RPS6KC1: variants seen among roughly 807,000 people sequenced by gnomAD.
RPS6KC1 encodes the protein ribosomal protein S6 kinase C1.
A neutral mutation model predicts 103.8 loss-of-function variants in RPS6KC1; 54 were observed. The observed-to-expected ratio is 0.52, with a 90% CI of 0.42 to 0.65. RPS6KC1 has a LOEUF of 0.65. Among genes scored for constraint, RPS6KC1 ranks in the 30% least tolerant of loss-of-function variants. RPS6KC1 has a pLI of 0.00. For missense variants in RPS6KC1, 1,151 were observed against 1,253.8 expected (o/e 0.92, Z 1.24); for synonymous variants, 439 against 438.7 (o/e 1.00, Z -0.01).
At chr1:213,363,975 A>AG in the RPS6KC1 span, among the ~76,000 whole-genome samples, 2 of 151,802 alleles carry the variant, frequency 1.3e-5, no homozygotes, top group Non-Finnish European at 2.9e-5. Context: ...TGTCCTCTAT[A>AG]GCAGAGGAAA....
the RPS6KC1 span, among the ~76,000 whole-genome samples, chr1:213,632,229 T>A: frequency 2.0e-5 from 3 of 152,174 alleles, no homozygotes; most frequent in African/African-American, 7.2e-5. Context: ...TTGTGTCAGG[T>A]TTTTATGTGA....
chr1:213,474,812 A>G, the RPS6KC1 span, among the ~76,000 whole-genome samples: 2 of 152,308 alleles, frequency 1.3e-5, no homozygotes, highest in East Asian at 3.9e-4. Context: ...ACCTTTAAAA[A>G]TTCAAATTAA....
At chr1:213,155,849 C>T (rs190952101) in intron 6 of RPS6KC1, among the ~76,000 whole-genome samples, 3 of 152,000 alleles carry the variant, frequency 2.0e-5, no homozygotes, top group East Asian at 1.9e-4. Context: ...CTTGTTCCAC[C>T]GTCCCCACTC....
At chr1:213,101,753 C>T (rs1243165794) in intron 3 of RPS6KC1, among the ~76,000 whole-genome samples, 1 of 152,110 alleles carries the variant, frequency 6.6e-6, no homozygotes, top group Non-Finnish European at 1.5e-5. Flanking sequence ...GATGTTTACA[C>T]AATTACTAAT....
At chr1:213,721,296 T>G in the RPS6KC1 span, among the ~76,000 whole-genome samples, 70 of 152,334 alleles carry the variant, frequency 4.6e-4, no homozygotes, top group Non-Finnish European at 7.9e-4. Flanking sequence ...AATCTCACCT[T>G]GAATTATAGC....
At chr1:213,179,732 A>C (rs1287381291) in intron 8 of RPS6KC1, among the ~76,000 whole-genome samples, 1 of 152,164 alleles carries the variant, frequency 6.6e-6, no homozygotes, top group Non-Finnish European at 1.5e-5. Flanking sequence ...GGATTTCACA[A>C]ACTTTTATGT....
chr1:213,242,605 A>G lies in RPS6KC1; in HGVS notation c.2858A>G (p.Glu953Gly), dbSNP rs1167867731. ...IQLTYFSRWS[E>G]VEDSCDSDAI... is the part of the protein sequence containing the mutation. ...CTAACGTATTTTAGCAGGTGGAGTG[A>G]GGTTGAAGATTCCTGTGACAGCGAT... Residue 953 changes from glutamate to glycine, a missense_variant, in exon 12 of 15, where the codon GAG (glutamate) becomes GGG (glycine). By Grantham distance (98) the Glu-to-Gly change is moderately conservative (BLOSUM62 -2). Transcript: ENST00000366960. The G allele has an allele frequency of 1.9e-6, 3 of 1,605,192 alleles. No individual in the cohort carries two copies. Among genetic ancestry groups the G allele is most frequent in the South Asian group, 2.2e-5 (2 of 90,878 alleles).
At chr1:213,193,210 G>T (rs1419633600) in intron 8 of RPS6KC1, among the ~76,000 whole-genome samples, 1 of 151,990 alleles carries the variant, frequency 6.6e-6, no homozygotes, top group Non-Finnish European at 1.5e-5. Flanking sequence ...TATCTGTTAG[G>T]TCCATTTGGC....
At chr1:213,663,161 C>T in the RPS6KC1 span, among the ~76,000 whole-genome samples, 1 of 152,206 alleles carries the variant, frequency 6.6e-6, no homozygotes, top group African/African-American at 2.4e-5. Context: ...ATGCAAAGTG[C>T]TTAGCATGGC....
At chr1:213,155,105 A>G (rs1047812834) in intron 6 of RPS6KC1, among the ~76,000 whole-genome samples, 2 of 152,136 alleles carry the variant, frequency 1.3e-5, no homozygotes, top group Non-Finnish European at 2.9e-5. Flanking sequence ...CTATCTTGCT[A>G]TGGCTGAGGT....
intron 8 of RPS6KC1, 76 bp downstream of exon 8, chr1:213,176,568 A>T: frequency 1.0e-6 from 1 of 955,976 alleles, no homozygotes; most frequent in East Asian, 2.5e-5. Context: ...GAAGCTTTGG[A>T]TCTTAAGGAT....
At chr1:213,220,132 A>G (rs1446547962) in intron 8 of RPS6KC1, among the ~76,000 whole-genome samples, 1 of 151,536 alleles carries the variant, frequency 6.6e-6, no homozygotes, top group Admixed American at 6.6e-5. Flanking sequence ...ATTTACATTC[A>G]ACAGGTTATG....
In RPS6KC1 at chr1:213,147,932, T is replaced by G. The variant is rs143375854; in HGVS notation, c.835+18043T>G. ...TTCACTTTTTTGGTTAAGTTAATTC[T>G]TAGATATTCAGTTTTATTTGTGACT... On this transcript the variant is annotated intron_variant, in intron 6 of 14. Transcript: ENST00000366960. Among the ~76,000 whole-genome samples, 497 of 152,296 alleles carry G rather than the reference T, an allele frequency of 3.3e-3. 1 individual carries two copies. Among genetic ancestry groups the G allele is most frequent in the Non-Finnish European group, 5.5e-3 (371 of 67,990 alleles).
chr1:213,433,440 G>C, the RPS6KC1 span, among the ~76,000 whole-genome samples: 1 of 152,172 alleles, frequency 6.6e-6, no homozygotes, highest in African/African-American at 2.4e-5. Context: ...TGGAAGATTG[G>C]TGTTGATTAT....
the RPS6KC1 span, among the ~76,000 whole-genome samples, chr1:213,526,879 C>A: frequency 2.0e-5 from 3 of 152,260 alleles, no homozygotes; most frequent in African/African-American, 4.8e-5. Flanking sequence ...TTATTTAAAA[C>A]AATACTCCAG....
chr1:213,559,253 T>C, the RPS6KC1 span, among the ~76,000 whole-genome samples: 19 of 152,196 alleles, frequency 1.2e-4, no homozygotes, highest in African/African-American at 4.1e-4. Flanking sequence ...GAACCAGCTC[T>C]CCTGACTCAT....
At chr1:213,839,960 G>A in the RPS6KC1 span, 1 of 152,162 alleles carries the variant, frequency 6.6e-6, no homozygotes, top group African/African-American at 2.4e-5. Context: ...CTACTACCAA[G>A]CTTCATCTGC....
the RPS6KC1 span, among the ~76,000 whole-genome samples, chr1:213,606,291 A>G: frequency 2.0e-4 from 31 of 152,318 alleles, no homozygotes; most frequent in South Asian, 6.4e-3. Context: ...GCTGGCAAAC[A>G]GGGTCCAAAT....
chr1:213,407,783 C>T, the RPS6KC1 span, among the ~76,000 whole-genome samples: 2 of 152,042 alleles, frequency 1.3e-5, no homozygotes, highest in South Asian at 4.1e-4. Flanking sequence ...GTAAAAGGTC[C>T]TGTGGGCTGC....
Sources: gnomAD v4.1 joint callset for allele counts (sites outside exome capture counted in the v4.1 genomes callset) on GRCh38, gnomAD v4.1.1 for gene constraint, MANE v1.5 for transcripts, NCBI Gene and HGNC (gene_info 2026-07-23, HGNC 2026-07-21) for gene names.